Variants in MKX observed in about 807,000 individuals in gnomAD.
MKX encodes homeobox protein Mohawk.
MKX carries 13 observed loss-of-function variants against 36.0 expected under a neutral mutation model. The observed-to-expected ratio is 0.36, with a 90% confidence interval of 0.24 to 0.57. The LOEUF (loss-of-function observed/expected upper bound fraction) is 0.57. Among genes scored for constraint, MKX ranks in the 20% least tolerant of loss-of-function variants. MKX has a pLI of 0.79. For missense variants in MKX, 458 were observed against 456.4 expected (o/e 1.00, Z -0.03); for synonymous variants, 176 against 178.3 (o/e 0.99, Z 0.10).
At chr10:27,709,769 C>T (rs1836820947) in intron 5 of MKX, among the ~76,000 whole-genome samples, 1 of 152,116 alleles carries the variant, frequency 6.6e-6, no homozygotes, top group Non-Finnish European at 1.5e-5. Context: ...TTCCTCCCAC[C>T]ACCACCACCA....
chr10:27,740,013 C>T (rs1278252376), intron 3 of MKX, among the ~76,000 whole-genome samples: 2 of 152,078 alleles, frequency 1.3e-5, no homozygotes, highest in Non-Finnish European at 2.9e-5. Flanking sequence ...AATTAATTTT[C>T]CCCTCCACTG....
chr10:27,707,675 C>A (rs1836781612), intron 5 of MKX, among the ~76,000 whole-genome samples: 1 of 152,210 alleles, frequency 6.6e-6, no homozygotes, highest in Non-Finnish European at 1.5e-5. Flanking sequence ...GGCGGCAACA[C>A]TTAGCATCTA....
Position 27,675,541 on chromosome 10 carries a change from G to A in MKX, c.852C>T (p.Asn284=), listed in dbSNP as rs2253230. 521,942 of 1,611,700 alleles carry A rather than the reference G, an allele frequency of 0.32. 86,962 individuals carry two copies. Among genetic ancestry groups the A allele is most frequent in the Middle Eastern group, 0.38 (2,282 of 6,052 alleles). Residue 284 remains asparagine (N), a synonymous_variant, in exon 6 of 7, where the codon AAC becomes AAT. Coordinates refer to ENST00000419761, the MANE Select transcript of MKX (RefSeq NM_173576.3). ...NFVYRTDTLE[N]GSNKGESAAN... ...CTCACCTTTCACCCTTATTGGATCC[G>A]TTTTCCAGAGTGTCTGTAAAGAAAA... is the stretch of plus-strand genomic sequence containing the variant.
intron 5 of MKX, among the ~76,000 whole-genome samples, chr10:27,726,998 A>T (rs1564362871): frequency 6.6e-6 from 1 of 152,164 alleles, no homozygotes; most frequent in Non-Finnish European, 1.5e-5. Context: ...GCCTCCAGGA[A>T]CTTTTAATAT....
At position 27,686,817 on chromosome 10, in the gene MKX, T is replaced by C. The variant is rs540675739; in HGVS notation, c.839-11263A>G. The stretch of plus-strand genomic sequence containing the variant: ...ATAAAGCCAGTGTTGCTTCCAGCCA[T>C]GACTTCCATATTCTGGCCAGAAATT... On this transcript the variant is annotated intron_variant, in intron 5 of 6. Transcript: ENST00000419761. 6.6e-5 allele frequency among the ~76,000 whole-genome samples: 10 copies of C among 152,124 alleles called. No homozygotes were observed. In the South Asian group the frequency reaches 2.1e-3, roughly 32 times the overall value.
intron 5 of MKX, among the ~76,000 whole-genome samples, chr10:27,693,938 A>G (rs1836499614): frequency 6.6e-6 from 1 of 152,084 alleles, no homozygotes; most frequent in Non-Finnish European, 1.5e-5. Context: ...TCTTTTCCAT[A>G]CTGTTCTCAT....
At chr10:27,694,481 C>T (rs533162733) in intron 5 of MKX, among the ~76,000 whole-genome samples, 13 of 146,404 alleles carry the variant, frequency 8.9e-5, no homozygotes, top group African/African-American at 3.0e-4. Context: ...GAGATCGAGA[C>T]CATCCTGGCT....
At chr10:27,681,456 C>T (rs1338247632) in intron 5 of MKX, among the ~76,000 whole-genome samples, 1 of 150,608 alleles carries the variant, frequency 6.6e-6, no homozygotes, top group Non-Finnish European at 1.5e-5. Context: ...GCAAAACAAA[C>T]AAACAAACAA....
At chr10:27,700,146 A>C (rs1005749978) in intron 5 of MKX, among the ~76,000 whole-genome samples, 1 of 152,232 alleles carries the variant, frequency 6.6e-6, no homozygotes, top group African/African-American at 2.4e-5. Context: ...TAAATATTTC[A>C]TTTTACAAAG....
chr10:27,709,156 G>A (rs12217663), intron 5 of MKX, among the ~76,000 whole-genome samples: 16,654 of 148,456 alleles, frequency 0.11, 1,081 homozygotes, highest in East Asian at 0.3. Context: ...GTGACAAAGC[G>A]AGACTCTGTC....
At chr10:27,739,012 C>T (rs1186173909) in intron 3 of MKX, among the ~76,000 whole-genome samples, 1 of 152,014 alleles carries the variant, frequency 6.6e-6, no homozygotes, top group African/African-American at 2.4e-5. Context: ...GTTATGTCAA[C>T]AGAGGAGACA....
intron 5 of MKX, among the ~76,000 whole-genome samples, chr10:27,690,420 T>C (rs1836433776): frequency 2.0e-5 from 3 of 148,124 alleles, no homozygotes; most frequent in Admixed American, 2.0e-4. Context: ...GTTCATCTTT[T>C]GGGAGGAAAA....
chr10:27,684,151 TA>T (rs1343014971), intron 5 of MKX, among the ~76,000 whole-genome samples: 1 of 151,964 alleles, frequency 6.6e-6, no homozygotes, highest in Non-Finnish European at 1.5e-5. Context: ...CCGTGTCTAT[TA>T]AAAATTTTGA....
intron 3 of MKX, among the ~76,000 whole-genome samples, chr10:27,738,607 A>G (rs1026010535): frequency 6.6e-6 from 1 of 152,088 alleles, no homozygotes; most frequent in Admixed American, 6.5e-5. Flanking sequence ...TTATATAATT[A>G]TGATTTATAT....
rs1337647432 is a variant in MKX at position 27,741,965 on chromosome 10, G to C, written c.189-461C>G. The stretch of plus-strand genomic sequence containing the variant: ...TCCCAGAGGCTTTCCGTCGCTTGTG[G>C]TCAGGGGAAAGGTCGCCGACTGGAC... On this transcript the variant is annotated intron_variant, in intron 2 of 6. Transcript: ENST00000419761. The surrounding 1 kb of genome is among the most constrained non-coding windows in gnomAD (Gnocchi z 5.1). Among the ~76,000 whole-genome samples the C allele has an allele frequency of 6.6e-6, 1 of 152,186 alleles. No individual in the cohort carries two copies. The highest frequency in any genetic ancestry group is 1.5e-5 in the Non-Finnish European group (1 of 68,022).
chr10:27,695,214 A>G (rs766758116), intron 5 of MKX, among the ~76,000 whole-genome samples: 2 of 152,162 alleles, frequency 1.3e-5, no homozygotes, highest in Admixed American at 1.3e-4. Flanking sequence ...TGGTTTGCAC[A>G]TGAGTCCGAA....
rs1054006526 is a variant in MKX at position 27,744,574 on chromosome 10, G to C, written c.-82-1077C>G. Among the ~76,000 whole-genome samples, 31 of 152,044 alleles carry C rather than the reference G, an allele frequency of 2.0e-4. No homozygotes were observed. The highest frequency in any genetic ancestry group is 7.2e-4 in the African/African-American group (30 of 41,552). Reference sequence around the variant, plus strand: ...AGCCCCAAGGCGCGCGGCGGACTTCGCCCGCCCCATCTCCTCGCCTCGCGC... The same window carrying C: ...AGCCCCAAGGCGCGCGGCGGACTTCCCCCGCCCCATCTCCTCGCCTCGCGC... On this transcript the variant is annotated intron_variant, in intron 1 of 6. Transcript: ENST00000419761. The surrounding 1 kb of genome is among the most constrained non-coding windows in gnomAD (Gnocchi z 5.6).
chr10:27,737,216 T>A (rs1040814373), intron 3 of MKX, among the ~76,000 whole-genome samples: 1 of 152,184 alleles, frequency 6.6e-6, no homozygotes, highest in Non-Finnish European at 1.5e-5. Flanking sequence ...GCCAAAATCT[T>A]CATCCGACTA....
chr10:27,694,527 A>AAAAAAAT (rs547670335), intron 5 of MKX, among the ~76,000 whole-genome samples: 1,399 of 114,280 alleles, frequency 0.012, 19 homozygotes, highest in African/African-American at 0.019. Flanking sequence ...AAAAAAAAAA[A>AAAAAAAT]ATATATATAT....
Sources: allele counts gnomAD v4.1 joint callset (sites outside exome capture counted in the v4.1 genomes callset), GRCh38; gene constraint gnomAD v4.1.1; non-coding constraint Gnocchi (gnomAD v3.1); transcripts MANE v1.5; gene names NCBI Gene and HGNC (gene_info 2026-07-23, HGNC 2026-07-21).